Variants in SEMA3C observed in about 807,000 individuals in gnomAD.
SEMA3C encodes the protein semaphorin-3C.
A neutral mutation model predicts 89.4 loss-of-function variants in SEMA3C; 47 were observed. The observed-to-expected ratio is 0.53, with a 90% CI of 0.42 to 0.67. SEMA3C has a LOEUF of 0.67. Among genes scored for constraint, SEMA3C ranks in the 30% least tolerant of loss-of-function variants. The probability of loss-of-function intolerance (pLI) is 0.00; values close to 1 mark genes in which losing one functional copy is unlikely to be tolerated. For synonymous variants in SEMA3C, 310 were observed against 320.2 expected, an observed-to-expected ratio of 0.97 and a Z score of 0.34; for missense variants, 839 against 929.1, an observed-to-expected ratio of 0.90 and a Z score of 1.26.
chr7:80,768,209 G>A lies in SEMA3C; in HGVS notation c.1355-2966C>T, dbSNP rs576842934. 1.9e-4 allele frequency among the ~76,000 whole-genome samples: 29 copies of A among 152,266 alleles called. No individual in the cohort carries two copies. The South Asian group carries it at 3.7e-3, about 20-fold the overall frequency. On this transcript the variant is annotated intron_variant, in intron 12 of 17. Coordinates refer to ENST00000265361, the MANE Select transcript of SEMA3C (RefSeq NM_006379.5). ...GCTCTGAAATATCTGCTTTGCAGCC[G>A]CTTCCTTAGAATTACCTCTGATAGC... is the stretch of plus-strand genomic sequence containing the variant.
chr7:80,818,304 A>T lies in SEMA3C; in HGVS notation c.442T>A (p.Ser148Thr). ...TGTTAAATAGTTATACTTACCTCTG[A>T]TCTCCTCCCTCTGTTCAAGTAAGTA... Reference protein sequence around the residue: ...VCTYLNRGRRSEDQVFMIDSK... With the variant: ...VCTYLNRGRRTEDQVFMIDSK... Residue 148 changes from serine (S) to threonine (T), a missense_variant, in exon 5 of 18, where the codon TCA (serine) becomes ACA (threonine). Coordinates refer to ENST00000265361, the MANE Select transcript of SEMA3C (RefSeq NM_006379.5). 1.9e-6 allele frequency: 3 copies of T among 1,606,378 alleles called. No homozygotes were observed. Among genetic ancestry groups the T allele is most frequent in the Non-Finnish European group, 1.7e-6 (2 of 1,174,160 alleles).
rs367759300 is a variant in SEMA3C at position 80,789,312 on chromosome 7, C to T, written c.1348G>A (p.Gly450Arg). The T allele has an allele frequency of 1.2e-5, 19 of 1,612,336 alleles. No individual in the cohort carries two copies. The African/African-American group carries it at 1.3e-4, about 11-fold the overall frequency. ...CTTGGGCTCAAATATTTACCTGTTCCGAGAAACAGGACATGGTATCTCCCA... is the reference window on the plus strand; with the variant it reads ...CTTGGGCTCAAATATTTACCTGTTCTGAGAAACAGGACATGGTATCTCCCA... ...ADGRYHVLFLGTDRGTVQKVV... is the reference protein window; with the variant it reads ...ADGRYHVLFLRTDRGTVQKVV... Residue 450 changes from glycine to arginine, a missense_variant, in exon 12 of 18, where the codon GGA (glycine) becomes AGA (arginine). Transcript: ENST00000265361.
chr7:80,827,627 T>C, intron 3 of SEMA3C, 140 bp from the exon 4 acceptor site: 1 of 487,196 alleles, frequency 2.1e-6, no homozygotes, highest in Non-Finnish European at 3.5e-6. Context: ...TTTTATCAAT[T>C]CATTAATAAA....
intron 12 of SEMA3C, among the ~76,000 whole-genome samples, chr7:80,770,257 A>T (rs1788399410): frequency 6.6e-6 from 1 of 152,344 alleles, no homozygotes; most frequent in South Asian, 2.1e-4. Flanking sequence ...AATGGCCATA[A>T]AACTCCCAAT....
At chr7:80,896,575 T>C (rs574017060) in intron 2 of SEMA3C, among the ~76,000 whole-genome samples, 1 of 152,200 alleles carries the variant, frequency 6.6e-6, no homozygotes, top group Non-Finnish European at 1.5e-5. Flanking sequence ...AAAGTTGTCT[T>C]AGCCTCCTAA....
chr7:80,754,957 G>GTTTTTTTTTTTTTTTTTTTTTT (rs1368382376), intron 15 of SEMA3C, among the ~76,000 whole-genome samples: 33 of 108,362 alleles, frequency 3.0e-4, no homozygotes, highest in Non-Finnish European at 4.3e-4. Flanking sequence ...GTTTTTTTTT[G>GTTTTTTTTTTTTTTTTTTTTTT]TTTTTTTTTT....
At chr7:80,832,093 T>C (rs1300814341) in intron 2 of SEMA3C, among the ~76,000 whole-genome samples, 2 of 152,136 alleles carry the variant, frequency 1.3e-5, no homozygotes, top group Admixed American at 6.6e-5. Flanking sequence ...GTAGATACAC[T>C]CTCTGGGGAA....
intron 2 of SEMA3C, among the ~76,000 whole-genome samples, chr7:80,868,294 A>T (rs533862081): frequency 5.8e-4 from 88 of 152,042 alleles, no homozygotes; most frequent in African/African-American, 2.1e-3. Flanking sequence ...CTGAGACAAG[A>T]TCTTACTCTG....
chr7:80,747,975 T>TG (rs1269328294), intron 17 of SEMA3C, among the ~76,000 whole-genome samples: 1 of 152,138 alleles, frequency 6.6e-6, no homozygotes, highest in Non-Finnish European at 1.5e-5. Context: ...GTAACACTGA[T>TG]GCAGTATCTG....
intron 4 of SEMA3C, among the ~76,000 whole-genome samples, chr7:80,819,498 C>T (rs1461546412): frequency 6.6e-6 from 1 of 152,108 alleles, no homozygotes; most frequent in African/African-American, 2.4e-5. Context: ...TTCCATATTA[C>T]CATTAGTGCA....
At chr7:80,770,268 T>C (rs1311187902) in intron 12 of SEMA3C, among the ~76,000 whole-genome samples, 1 of 152,210 alleles carries the variant, frequency 6.6e-6, no homozygotes, top group Non-Finnish European at 1.5e-5. Context: ...AACTCCCAAT[T>C]ACTTATGTCC....
At chr7:80,853,575 A>G (rs1296775390) in intron 2 of SEMA3C, among the ~76,000 whole-genome samples, 1 of 152,162 alleles carries the variant, frequency 6.6e-6, no homozygotes, top group Non-Finnish European at 1.5e-5. Context: ...AAAGCAATTG[A>G]ACTCAGGGAG....
At chr7:80,845,952 T>TC (rs941664913) in intron 2 of SEMA3C, among the ~76,000 whole-genome samples, 20 of 152,296 alleles carry the variant, frequency 1.3e-4, no homozygotes, top group African/African-American at 4.1e-4. Context: ...AACCAATAGT[T>TC]CTGAGAAGTC....
chr7:80,767,871 G>A (rs1471342804), intron 12 of SEMA3C, among the ~76,000 whole-genome samples: 1 of 152,124 alleles, frequency 6.6e-6, no homozygotes, highest in African/African-American at 2.4e-5. Flanking sequence ...TTTATCTCAT[G>A]TTTATAGTTT....
intron 12 of SEMA3C, among the ~76,000 whole-genome samples, chr7:80,781,307 T>C (rs933843104): frequency 7.9e-5 from 12 of 152,210 alleles, no homozygotes; most frequent in African/African-American, 2.9e-4. Flanking sequence ...AGAGATCTTT[T>C]GGGACAGAGG....
intron 2 of SEMA3C, among the ~76,000 whole-genome samples, chr7:80,861,661 A>G (rs1009693351): frequency 6.6e-5 from 10 of 152,204 alleles, no homozygotes; most frequent in Admixed American, 4.6e-4. Context: ...AAATTGCAAC[A>G]TTTGTTATTT....
intron 2 of SEMA3C, among the ~76,000 whole-genome samples, chr7:80,886,476 T>C (rs1791481963): frequency 1.3e-5 from 2 of 151,672 alleles, no homozygotes; most frequent in African/African-American, 4.8e-5. Context: ...GTCTCAGCCT[T>C]CTGAGTAGCT....
At chr7:80,772,593 C>T (rs1788458498) in intron 12 of SEMA3C, among the ~76,000 whole-genome samples, 1 of 152,036 alleles carries the variant, frequency 6.6e-6, no homozygotes, top group Non-Finnish European at 1.5e-5. Flanking sequence ...CTTAGAAAGG[C>T]TGTCTCAACA....
intron 2 of SEMA3C, among the ~76,000 whole-genome samples, chr7:80,861,176 A>G (rs1253853272): frequency 6.6e-6 from 1 of 152,108 alleles, no homozygotes; most frequent in Non-Finnish European, 1.5e-5. Flanking sequence ...GTTCAGAAAA[A>G]CTTCGATTAT....
Sources: gnomAD v4.1 joint callset for allele counts (sites outside exome capture counted in the v4.1 genomes callset) on GRCh38, gnomAD v4.1.1 for gene constraint, MANE v1.5 for transcripts, NCBI Gene and HGNC (gene_info 2026-07-23, HGNC 2026-07-21) for gene names.